Variants in TMEM51 observed in about 807,000 individuals in gnomAD.
TMEM51 encodes chromosome 1 open reading frame 72.
In TMEM51, 8 loss-of-function variants were observed where a neutral mutation model predicts 13.6. That is an observed-to-expected ratio of 0.59 (90% CI 0.35 to 1.07). The LOEUF (loss-of-function observed/expected upper bound fraction) is 1.07, where lower values mean the gene tolerates loss of function less well. TMEM51 is among the 50% of genes least tolerant of loss of function. The pLI is 0.02. For synonymous variants in TMEM51, 147 were observed against 144.4 expected (o/e 1.02, Z -0.13); for missense variants, 279 against 330.7 (o/e 0.84, Z 1.21).
intron 1 of TMEM51, among the ~76,000 whole-genome samples, chr1:15,187,588 A>G (rs11808042): frequency 0.54 from 81,561 of 152,026 alleles, 22,373 homozygotes; most frequent in East Asian, 0.64. Context: ...TGCTGGATGT[A>G]GATCATAACC....
At chr1:15,177,613 G>A (rs528761589) in intron 1 of TMEM51, among the ~76,000 whole-genome samples, 120 of 152,316 alleles carry the variant, frequency 7.9e-4, no homozygotes, top group African/African-American at 2.6e-3. Flanking sequence ...GGTGATGGGC[G>A]TGCAGTGTCT....
chr1:15,217,002 A>G (rs912947200), intron 3 of TMEM51, among the ~76,000 whole-genome samples: 2 of 152,180 alleles, frequency 1.3e-5, no homozygotes, highest in African/African-American at 4.8e-5. Context: ...TGAATTTTCT[A>G]CAAGCATTTC....
intron 1 of TMEM51, among the ~76,000 whole-genome samples, chr1:15,204,141 C>T (rs1644207548): frequency 6.6e-6 from 1 of 152,362 alleles, no homozygotes; most frequent in South Asian, 2.1e-4. Context: ...CCGAGGTTCA[C>T]ACAAGCCTGG....
intron 1 of TMEM51, among the ~76,000 whole-genome samples, chr1:15,202,014 G>A (rs776850317): frequency 4.6e-5 from 7 of 152,090 alleles, no homozygotes; most frequent in Non-Finnish European, 8.8e-5. Flanking sequence ...TTGTCCTGTC[G>A]TCAGCACTTT....
At chr1:15,158,312 A>T (rs1328042493) in intron 1 of TMEM51, among the ~76,000 whole-genome samples, 1 of 152,102 alleles carries the variant, frequency 6.6e-6, no homozygotes, top group Non-Finnish European at 1.5e-5. Context: ...CTGCATCACC[A>T]TGGGGTTTGG....
At chr1:15,201,340 TAAA>T (rs1644151819) in intron 1 of TMEM51, among the ~76,000 whole-genome samples, 2 of 150,222 alleles carry the variant, frequency 1.3e-5, no homozygotes, top group South Asian at 2.1e-4. Context: ...ATTTTATAAA[TAAA>T]AACAAAACAG....
At chr1:15,209,464 AAT>A (rs1284469677) in intron 1 of TMEM51, among the ~76,000 whole-genome samples, 2 of 152,092 alleles carry the variant, frequency 1.3e-5, no homozygotes, top group African/African-American at 4.8e-5. Context: ...ATATTACAAA[AAT>A]AGAGCAACAT....
intron 2 of TMEM51, among the ~76,000 whole-genome samples, chr1:15,211,833 C>G (rs565433878): frequency 5.4e-5 from 7 of 129,624 alleles, no homozygotes; most frequent in South Asian, 2.7e-4. Context: ...CCCCCCCCCC[C>G]CCCCGGGATT....
intron 1 of TMEM51, among the ~76,000 whole-genome samples, chr1:15,209,620 C>G (rs1026892032): frequency 7.2e-5 from 11 of 152,208 alleles, no homozygotes; most frequent in Admixed American, 2.0e-4. Flanking sequence ...CTGCTGCGTA[C>G]GTAATACTCC....
intron 3 of TMEM51, among the ~76,000 whole-genome samples, chr1:15,217,148 T>C (rs12057289): frequency 0.15 from 23,276 of 152,098 alleles, 1,979 homozygotes; most frequent in East Asian, 0.3. Flanking sequence ...AACTCAAAAT[T>C]GAGCTGCCAA....
chr1:15,199,502 G>T (rs1573432295), intron 1 of TMEM51, among the ~76,000 whole-genome samples: 1 of 152,160 alleles, frequency 6.6e-6, no homozygotes, highest in African/African-American at 2.4e-5. Context: ...CGGGTTGGGG[G>T]AATCATAATG....
At chr1:15,171,281 T>G in intron 1 of TMEM51, 1 of 1,304,226 alleles carries the variant, frequency 7.7e-7, no homozygotes, top group African/African-American at 1.5e-5. Flanking sequence ...GACGGCATCC[T>G]TCCAGGTCAA....
At chr1:15,203,040 TTGGG>T (rs1557853076) in intron 1 of TMEM51, among the ~76,000 whole-genome samples, 1 of 152,014 alleles carries the variant, frequency 6.6e-6, no homozygotes, top group Non-Finnish European at 1.5e-5. Flanking sequence ...CTGCAGGGCA[TTGGG>T]TCAAGGCCCT....
chr1:15,184,029 T>TTTCC (rs1019145853), intron 1 of TMEM51, among the ~76,000 whole-genome samples: 8 of 152,330 alleles, frequency 5.3e-5, no homozygotes, highest in South Asian at 4.1e-4. Context: ...TTCCTTCTTC[T>TTTCC]TTCCTTCCTT....
chr1:15,214,573 A>T (rs1029201355), intron 2 of TMEM51, among the ~76,000 whole-genome samples: 6 of 152,176 alleles, frequency 3.9e-5, no homozygotes, highest in African/African-American at 1.2e-4. Flanking sequence ...CTCCAGCAAG[A>T]GCTACGATTT....
intron 1 of TMEM51, among the ~76,000 whole-genome samples, chr1:15,172,458 GGAGA>G (rs1181179819): frequency 6.0e-5 from 9 of 149,414 alleles, no homozygotes; most frequent in Non-Finnish European, 1.3e-4. Context: ...AAGGAAGGAA[GGAGA>G]GAGAGAAAGA....
In TMEM51 at chr1:15,161,244, T is replaced by C. The variant is rs1642771149; in HGVS notation, c.-267+7290T>C. 6.6e-6 allele frequency among the ~76,000 whole-genome samples: 1 copy of C among 152,058 alleles called. No homozygotes were observed. Among genetic ancestry groups the C allele is most frequent in the South Asian group, 2.1e-4 (1 of 4,834 alleles). ...TTTGGGGGCTGGGCATGGTGGCTCA[T>C]ACCTGTAATCCCAGCACTTTGGGAG... is the stretch of plus-strand genomic sequence containing the variant. On this transcript the variant is annotated intron_variant, in intron 1 of 3. Transcript: ENST00000376008. This position sits in a 1 kb window ranked among gnomAD's most constrained non-coding sequence, Gnocchi z 4.0.
intron 1 of TMEM51, among the ~76,000 whole-genome samples, chr1:15,209,604 C>T (rs1019374626): frequency 2.0e-5 from 3 of 152,206 alleles, no homozygotes; most frequent in Non-Finnish European, 4.4e-5. Context: ...AGTTTACTCA[C>T]CTTCACTGCT....
At chr1:15,182,075 C>T (rs1170757864) in intron 1 of TMEM51, among the ~76,000 whole-genome samples, 3 of 151,990 alleles carry the variant, frequency 2.0e-5, no homozygotes, top group Non-Finnish European at 4.4e-5. Context: ...GCAGGAGAAT[C>T]GCTTGAACCC....
Sources: allele counts gnomAD v4.1 joint callset (sites outside exome capture counted in the v4.1 genomes callset), GRCh38; gene constraint gnomAD v4.1.1; non-coding constraint Gnocchi (gnomAD v3.1); transcripts MANE v1.5; gene names NCBI Gene and HGNC (gene_info 2026-07-23, HGNC 2026-07-21).